The following PDE10A variants were observed in gnomAD, a reference collection of about 807,000 sequenced individuals.
The protein encoded by PDE10A is phosphodiesterase 10A.
A neutral mutation model predicts 97.7 loss-of-function variants in PDE10A; 39 were observed. The observed-to-expected ratio is 0.40, with a 90% CI of 0.31 to 0.52. The LOEUF (loss-of-function observed/expected upper bound fraction) is 0.52, where lower values mean the gene tolerates loss of function less well. Ranked by LOEUF, PDE10A falls within the 20% of genes least tolerant of loss-of-function variation. The pLI is 0.56. For missense variants in PDE10A, 731 were observed against 1,047.8 expected (o/e 0.70, Z 4.17); for synonymous variants, 371 against 376.8 (o/e 0.98, Z 0.18).
chr6:165,379,073 CAT>C (rs1784784008), intron 18 of PDE10A, 119 bp downstream of exon 18: 1 of 662,008 alleles, frequency 1.5e-6, no homozygotes, highest in Non-Finnish European at 2.5e-6. Context: ...AAGTGAAAAA[CAT>C]GTAAATTTTT....
In PDE10A at chr6:165,543,515, C is replaced by G; in HGVS notation, c.919G>C (p.Asp307His). Residue 307 changes from aspartate (D) to histidine (H), a missense_variant, in exon 2 of 22, where the codon GAT (aspartate) becomes CAT (histidine). Asp to His is a moderately conservative substitution (Grantham distance 81). Transcript: ENST00000539869. ...CTAACACTTTCAGATACAAATTCATCTAATACCTGGGGGTGAAGAGAAAGA... is the reference window on the plus strand; with the variant it reads ...CTAACACTTTCAGATACAAATTCATGTAATACCTGGGGGTGAAGAGAAAGA... ...AYLSLHPQVL[D>H]EFVSESVSAE... is the part of the protein sequence containing the mutation. 6.2e-7 allele frequency: 1 copy of G among 1,611,742 alleles called. No homozygotes were observed. The highest frequency in any genetic ancestry group is 8.5e-7 in the Non-Finnish European group (1 of 1,178,338).
rs80174899 is a variant in PDE10A, at chr6:165,625,735, A to T, written c.865+36212T>A. Among the ~76,000 whole-genome samples the T allele has an allele frequency of 8.1e-3, 1,239 of 152,304 alleles. 8 individuals are homozygous for T. Among genetic ancestry groups the T allele is most frequent in the Middle Eastern group, 0.014 (4 of 294 alleles). On this transcript the variant is annotated intron_variant, in intron 1 of 21. Transcript: ENST00000539869. ...AATTCTCTCTTGCTGCCATGTAAGAAGTGCCTTTCACCTTCTGCCATGATT... is the reference window on the plus strand; with the variant it reads ...AATTCTCTCTTGCTGCCATGTAAGATGTGCCTTTCACCTTCTGCCATGATT...
In PDE10A at chr6:165,328,659, G is replaced by A. The variant is rs1781175111; in HGVS notation, c.*4366C>T. ...AGAAACATCAAGTGAGGACAGCATT[G>A]CTTCTTCGGATGTTAAATGTGTTTC... On this transcript the variant is annotated 3_prime_UTR_variant, in exon 22 of 22. Transcript: ENST00000539869. 1 of 152,192 alleles carries A rather than the reference G, an allele frequency of 6.6e-6. No individual in the cohort carries two copies. The allele number at this position is 152,192 out of a possible 1,614,324, so 9.4% of individuals were successfully genotyped here.
intron 1 of PDE10A, among the ~76,000 whole-genome samples, chr6:165,577,816 C>T (rs577718631): frequency 9.7e-4 from 148 of 152,316 alleles, no homozygotes; most frequent in African/African-American, 2.6e-3. Flanking sequence ...CGCCCGCTTC[C>T]GGCCTGGGCT....
intron 1 of PDE10A, among the ~76,000 whole-genome samples, chr6:165,876,086 T>C (rs997265353): frequency 2.6e-5 from 4 of 152,256 alleles, no homozygotes; most frequent in Non-Finnish European, 2.9e-5. Flanking sequence ...AACTTGTGAA[T>C]TAATGAATAC....
intron 1 of PDE10A, among the ~76,000 whole-genome samples, chr6:165,824,841 T>C (rs1583150038): frequency 6.6e-6 from 1 of 151,460 alleles, no homozygotes; most frequent in African/African-American, 2.4e-5. Flanking sequence ...TTGAAAGGGG[T>C]GCATTTGGCT....
At chr6:165,833,378 G>A (rs978095939) in intron 1 of PDE10A, among the ~76,000 whole-genome samples, 7 of 152,202 alleles carry the variant, frequency 4.6e-5, no homozygotes, top group Non-Finnish European at 8.8e-5. Flanking sequence ...AGTGAGGTGG[G>A]AAGGCTAATC....
At chr6:165,504,359 T>C (rs1172664941) in intron 2 of PDE10A, among the ~76,000 whole-genome samples, 1 of 152,234 alleles carries the variant, frequency 6.6e-6, no homozygotes. Flanking sequence ...CGTGATAGCA[T>C]TAAATATCCA....
At chr6:165,496,743 A>G (rs1317228352) in intron 2 of PDE10A, among the ~76,000 whole-genome samples, 2 of 152,258 alleles carry the variant, frequency 1.3e-5, no homozygotes, top group Non-Finnish European at 2.9e-5. Context: ...AGATAATAAT[A>G]TTTTGCATAC....
chr6:165,782,469 C>T (rs557791354), intron 1 of PDE10A, among the ~76,000 whole-genome samples: 15 of 152,308 alleles, frequency 9.8e-5, no homozygotes, highest in East Asian at 3.9e-4. Flanking sequence ...CCTACAAAAT[C>T]GGCTGAGTGC....
chr6:165,380,218 A>T (rs1323928165), intron 17 of PDE10A, among the ~76,000 whole-genome samples: 1 of 152,246 alleles, frequency 6.6e-6, no homozygotes, highest in Non-Finnish European at 1.5e-5. Flanking sequence ...TTGCAGATTC[A>T]TCAATTATTT....
chr6:165,777,776 A>G (rs1412562896), intron 1 of PDE10A, among the ~76,000 whole-genome samples: 2 of 152,178 alleles, frequency 1.3e-5, no homozygotes, highest in Non-Finnish European at 2.9e-5. Context: ...ATCATAAAGC[A>G]TCATAATGGA....
At chr6:165,863,921 G>A (rs1780973512) in intron 1 of PDE10A, among the ~76,000 whole-genome samples, 1 of 152,146 alleles carries the variant, frequency 6.6e-6, no homozygotes, top group African/African-American at 2.4e-5. Context: ...CTTGAAGCAT[G>A]GCTGTATTAG....
At position 165,643,243 on chromosome 6, in the gene PDE10A, G is replaced by GTGGATGGATGGA. The variant is rs139921985; in HGVS notation, c.865+18692_865+18703dup. On this transcript the variant is annotated intron_variant, in intron 1 of 21. Transcript: ENST00000539869. ...GATAGGTGAGTGAGTGGGTGGGTGG[G>GTGGATGGATGGA]TGGATGGATGGATGGATGGATGGAG... is the stretch of plus-strand genomic sequence containing the variant. 2.6e-5 allele frequency among the ~76,000 whole-genome samples: 4 copies of GTGGATGGATGGA among 151,678 alleles called. No individual in the cohort carries two copies. The East Asian group carries it at 7.8e-4, about 30-fold the overall frequency.
chr6:165,902,251 G>T (rs1306565312), intron 1 of PDE10A, among the ~76,000 whole-genome samples: 4 of 152,194 alleles, frequency 2.6e-5, no homozygotes, highest in Non-Finnish European at 5.9e-5. Context: ...CACAGCCCTT[G>T]TTTCTCAGAG....
intron 13 of PDE10A, among the ~76,000 whole-genome samples, chr6:165,412,833 C>G (rs1207573324): frequency 6.6e-6 from 1 of 152,014 alleles, no homozygotes; most frequent in Admixed American, 6.6e-5. Context: ...TAAAATTTTC[C>G]CTAACCTCAG....
At chr6:165,714,352 T>C (rs1191723937) in intron 1 of PDE10A, among the ~76,000 whole-genome samples, 1 of 152,246 alleles carries the variant, frequency 6.6e-6, no homozygotes, top group Non-Finnish European at 1.5e-5. Context: ...TTGCCGTTTG[T>C]GAACCTCCAG....
intron 1 of PDE10A, among the ~76,000 whole-genome samples, chr6:165,684,191 T>A (rs1791053927): frequency 6.6e-6 from 1 of 152,206 alleles, no homozygotes; most frequent in South Asian, 2.1e-4. Flanking sequence ...GTGCTCTATG[T>A]GTAATTATTT....
At chr6:165,924,650 G>T (rs966244532) in intron 1 of PDE10A, among the ~76,000 whole-genome samples, 1 of 152,154 alleles carries the variant, frequency 6.6e-6, no homozygotes, top group Non-Finnish European at 1.5e-5. Flanking sequence ...ACTAGTGGTG[G>T]GCCAGCATCC....
Sources: allele counts gnomAD v4.1 joint callset (sites outside exome capture counted in the v4.1 genomes callset), GRCh38; gene constraint gnomAD v4.1.1; transcripts MANE v1.5; gene names NCBI Gene and HGNC (gene_info 2026-07-23, HGNC 2026-07-21).